Variants in WDR11 observed in about 807,000 individuals in gnomAD.
WDR11 encodes WD repeat domain 11.
WDR11 carries 83 observed loss-of-function variants against 151.2 expected under a neutral mutation model. The observed-to-expected ratio is 0.55, with a 90% CI of 0.46 to 0.66. The LOEUF is 0.66. Ranked by LOEUF, WDR11 falls within the 30% of genes least tolerant of loss-of-function variation. The pLI is 0.00. For missense variants in WDR11, 1,301 were observed against 1,480.9 expected (o/e 0.88, Z 1.99); for synonymous variants, 484 against 533.1 (o/e 0.91, Z 1.27).
At chr10:120,883,630 CTG>C (rs1446683554) in intron 13 of WDR11, 148 bp from the exon 14 acceptor site, 4 of 668,746 alleles carry the variant, frequency 6.0e-6, no homozygotes, top group Non-Finnish European at 1.1e-5. Flanking sequence ...CTTCTTATGA[CTG>C]TTAATCATGG....
At position 120,901,190 on chromosome 10, in the gene WDR11, G is replaced by A. The variant is rs189993237; in HGVS notation, c.2687+92G>A. On this transcript the variant is annotated intron_variant, in intron 21 of 28. Coordinates refer to ENST00000263461, the MANE Select transcript of WDR11 (RefSeq NM_018117.12). Reference sequence around the variant, plus strand: ...GCAATTCAAAATTAAAATAAGTTACGTTTTAGAAAATATTAGTGGCCCAAG... The same window carrying A: ...GCAATTCAAAATTAAAATAAGTTACATTTTAGAAAATATTAGTGGCCCAAG... The A allele has an allele frequency of 4.7e-4, 536 of 1,139,884 alleles. 4 individuals carry two copies. In the Admixed American group the frequency reaches 5.5e-3, roughly 12 times the overall value. 70.6% of individuals were successfully genotyped at this position (1,139,884 alleles called of 1,614,324 possible). A position where few individuals can be genotyped will look rare whatever the true frequency, so the allele number is the denominator to read the frequency against.
chr10:120,899,861 C>G, intron 19 of WDR11, 168 bp from the exon 20 acceptor site: 1 of 635,680 alleles, frequency 1.6e-6, no homozygotes, highest in Non-Finnish European at 2.8e-6. Flanking sequence ...GAGACTCTCT[C>G]TGCTCTTGGC....
chr10:120,889,545 A>T (rs1311997853), intron 17 of WDR11: 20 of 402,914 alleles, frequency 5.0e-5, no homozygotes, highest in Non-Finnish European at 8.8e-5. Context: ...CGGCCAAAAA[A>T]TGACATCTTG....
Position 120,873,867 on chromosome 10 carries a change from C to T in WDR11, c.1500C>T (p.Tyr500=). 6.2e-7 allele frequency: 1 copy of T among 1,612,808 alleles called. No individual in the cohort carries two copies. Among genetic ancestry groups the T allele is most frequent in the Non-Finnish European group, 8.5e-7 (1 of 1,179,066 alleles). The change falls in exon 11 of 29, where the codon TAC becomes TAT. Residue 500 remains tyrosine (Y), a synonymous_variant. Transcript: ENST00000263461. Reference sequence around the variant, plus strand: ...CAAGTAATGGTTCTGTCCTGGTGTACCATCTCACCAGTGGTCTGCTACACA... The same window carrying T: ...CAAGTAATGGTTCTGTCCTGGTGTATCATCTCACCAGTGGTCTGCTACACA... ...VGTSNGSVLV[Y]HLTSGLLHKE...
Position 120,901,214 on chromosome 10 carries a change from A to G in WDR11, c.2687+116A>G. The G allele has an allele frequency of 4.5e-6, 4 of 891,024 alleles. No homozygotes were observed. In the South Asian group the frequency reaches 5.7e-5, roughly 13 times the overall value. The allele number at this position is 891,024 out of a possible 1,614,324, so 55.2% of individuals were successfully genotyped here. Reference sequence around the variant, plus strand: ...CGTTTTAGAAAATATTAGTGGCCCAAGAAGAGACCATTCTGTTTAGAGGTT... The same window carrying G: ...CGTTTTAGAAAATATTAGTGGCCCAGGAAGAGACCATTCTGTTTAGAGGTT... On this transcript the variant is annotated intron_variant, in intron 21 of 28. Transcript: ENST00000263461.
chr10:120,902,391 T>C (rs1719102981), intron 22 of WDR11, 69 bp downstream of exon 22: 2 of 1,398,624 alleles, frequency 1.4e-6, no homozygotes, highest in South Asian at 1.2e-5. Flanking sequence ...TTAAGGGTTT[T>C]TAGTTAGAAA....
Position 120,905,978 on chromosome 10 carries a change from C to T in WDR11, c.3394C>T (p.Leu1132Phe). Residue 1132 changes from leucine (L) to phenylalanine (F), a missense_variant, in exon 27 of 29, where the codon CTC becomes TTC. By Grantham distance (22) the Leu-to-Phe change is conservative. Around this residue, in one of 3 missense-constraint regions of WDR11, gnomAD observed 589 missense variants for 670.6 expected, o/e 0.88. Transcript: ENST00000263461. Reference protein sequence around the residue: ...NQKSKALLVLLSLGCFFSVAE... With the variant: ...NQKSKALLVLFSLGCFFSVAE... ...GAAATCAAAGGCTCTCCTGGTTCTC[C>T]TCTCTCTGGGCTGCTTTTTTAGCGT... is the stretch of plus-strand genomic sequence containing the variant. 1 of 1,614,092 alleles carries T rather than the reference C, an allele frequency of 6.2e-7. No individual in the cohort carries two copies. The highest frequency in any genetic ancestry group is 8.5e-7 in the Non-Finnish European group (1 of 1,180,016).
At position 120,858,666 on chromosome 10, in the gene WDR11, T is replaced by C. The variant is rs375491967; in HGVS notation, c.222T>C (p.Tyr74=). Residue 74 remains tyrosine, a synonymous_variant, in exon 3 of 29, where the codon TAT becomes TAC. Coordinates refer to ENST00000263461, the MANE Select transcript of WDR11 (RefSeq NM_018117.12). ...AGGTTAAATGGGCCAGGGAAAACTATCACCATAACATTGGCTCACCATATT... is the reference window on the plus strand; with the variant it reads ...AGGTTAAATGGGCCAGGGAAAACTACCACCATAACATTGGCTCACCATATT... The part of the protein sequence containing the change: ...VVKVKWAREN[Y]HHNIGSPYCL... 14 of 1,614,126 alleles carry C rather than the reference T, an allele frequency of 8.7e-6. No homozygotes were observed. The highest frequency in any genetic ancestry group is 1.1e-5 in the Non-Finnish European group (13 of 1,180,052).
chr10:120,880,938 C>T (rs958954478), intron 13 of WDR11, 37 bp downstream of exon 13: 2 of 1,540,544 alleles, frequency 1.3e-6, no homozygotes, highest in African/African-American at 1.4e-5. Context: ...ATGGTGTTAT[C>T]ACAATGAAAT....
intron 11 of WDR11, among the ~76,000 whole-genome samples, chr10:120,877,609 C>T (rs1205953733): frequency 1.3e-5 from 2 of 151,544 alleles, no homozygotes; most frequent in African/African-American, 2.4e-5. Context: ...ACAGTGAGAC[C>T]CTGTCTCAAA....
Position 120,862,803 on chromosome 10 carries a change from A to G in WDR11, c.595A>G (p.Lys199Glu). The change falls in exon 5 of 29, where the codon AAA (lysine) becomes GAA (glutamate). Residue 199 changes from lysine to glutamate, a missense_variant. Transcript: ENST00000263461. ...ATCCAAGCCTCCCTCAGGCCCTGGG[A>G]AAAAAGTTTACATATCCAGCCCACA... ...SPSKPPSGPG[K>E]KVYISSPHSS... The G allele has an allele frequency of 1.2e-6, 2 of 1,614,074 alleles. No individual in the cohort carries two copies. Among genetic ancestry groups the G allele is most frequent in the Non-Finnish European group, 8.5e-7 (1 of 1,179,998 alleles).
chr10:120,879,324 G>A (rs3758508), intron 12 of WDR11: 56,467 of 151,730 alleles, frequency 0.37, 10,579 homozygotes, highest in Admixed American at 0.44. Flanking sequence ...AGGGTATGTT[G>A]CTGAACTTCC....
At chr10:120,879,793 G>A (rs924224278) in intron 12 of WDR11, 2 of 152,174 alleles carry the variant, frequency 1.3e-5, no homozygotes, top group Non-Finnish European at 2.9e-5. Flanking sequence ...CAAAGAGTAG[G>A]AAGGCGTTTA....
rs34937000 is a variant in WDR11 at position 120,905,902 on chromosome 10, C to T, written c.3318C>T (p.Ala1106=). 1,973 of 1,614,102 alleles carry T rather than the reference C, an allele frequency of 1.2e-3. 16 individuals carry two copies. The African/African-American group carries it at 0.022, about 18-fold the overall frequency. ...TCCGTTTGAATCCTGAGGAGTGTGC[C>T]GATGTTTTAAGGCGGTGGGTTGACC... ...AKVRLNPEEC[A]DVLRRWVDHL... The change falls in exon 27 of 29, where the codon GCC becomes GCT. Residue 1106 remains alanine (A), a synonymous_variant. Transcript: ENST00000263461.
At chr10:120,899,420 A>C (rs935651440) in intron 19 of WDR11, among the ~76,000 whole-genome samples, 1 of 152,220 alleles carries the variant, frequency 6.6e-6, no homozygotes, top group South Asian at 2.1e-4. Context: ...TATTTGTTGA[A>C]TCATTGCATT....
intron 16 of WDR11, 29 bp downstream of exon 16, chr10:120,886,865 CA>C: frequency 6.2e-7 from 1 of 1,612,712 alleles, no homozygotes; most frequent in Non-Finnish European, 8.5e-7. Context: ...AAATCTTCAT[CA>C]AGAAGATTTT....
intron 6 of WDR11, 85 bp downstream of exon 6, chr10:120,865,297 C>A: frequency 1.5e-6 from 2 of 1,333,124 alleles, no homozygotes; most frequent in African/African-American, 1.5e-5. Flanking sequence ...TAAGTCTTGT[C>A]TTCAGTTCTC....
chr10:120,908,989 A>G lies in WDR11; in HGVS notation c.*276A>G. 1 of 409,222 alleles carries G rather than the reference A, an allele frequency of 2.4e-6. No homozygotes were observed. The highest frequency in any genetic ancestry group is 4.5e-5 in the East Asian group (1 of 22,142). The allele number at this position is 409,222 out of a possible 1,614,324, so 25.3% of individuals were successfully genotyped here. On this transcript the variant is annotated 3_prime_UTR_variant, in exon 29 of 29. Coordinates refer to ENST00000263461, the MANE Select transcript of WDR11 (RefSeq NM_018117.12). ...GGAGAGAGCTTTAAGAGTCCCTGGAAATACTTTTTAATTTTTTTAACTTAA... is the reference window on the plus strand; with the variant it reads ...GGAGAGAGCTTTAAGAGTCCCTGGAGATACTTTTTAATTTTTTTAACTTAA...
At chr10:120,862,594 C>G (rs181362437) in intron 4 of WDR11, 141 bp from the exon 5 acceptor site, 2 of 861,762 alleles carry the variant, frequency 2.3e-6, no homozygotes, top group African/African-American at 1.7e-5. Context: ...AGAGAACATT[C>G]CCATTATGTT....
Sources: allele counts gnomAD v4.1 joint callset (sites outside exome capture counted in the v4.1 genomes callset), GRCh38; gene constraint gnomAD v4.1.1; regional missense constraint gnomAD v4.1.1; transcripts MANE v1.5; gene names NCBI Gene and HGNC (gene_info 2026-07-23, HGNC 2026-07-21).